RHOA: variants seen among roughly 807,000 people sequenced by gnomAD.
The protein encoded by RHOA is transforming protein RhoA.
In RHOA, 3 loss-of-function variants were observed where a neutral mutation model predicts 17.5. The observed-to-expected ratio is 0.17, with a 90% CI of 0.08 to 0.44. The LOEUF is 0.44. RHOA is among the 20% of genes least tolerant of loss of function. The pLI, the probability that RHOA is intolerant of heterozygous loss-of-function variation, is 0.99. For synonymous variants in RHOA, 98 were observed against 88.4 expected (o/e 1.11, Z -0.61); for missense variants, 56 against 242.3 (o/e 0.23, Z 5.10).
intron 4 of RHOA, among the ~76,000 whole-genome samples, chr3:49,360,758 T>TA (rs763329032): frequency 4.4e-4 from 60 of 135,586 alleles, no homozygotes; most frequent in South Asian, 1.1e-3. Context: ...GTACCCAGCC[T>TA]AAAAAAAAAA....
intron 1 of RHOA, among the ~76,000 whole-genome samples, chr3:49,392,110 G>C (rs966237668): frequency 1.3e-5 from 2 of 151,984 alleles, no homozygotes; most frequent in African/African-American, 4.8e-5. Flanking sequence ...TTACAGGCGT[G>C]AGCCACCACA....
chr3:49,379,121 C>G (rs1348482668), intron 1 of RHOA, among the ~76,000 whole-genome samples: 1 of 151,812 alleles, frequency 6.6e-6, no homozygotes, highest in Non-Finnish European at 1.5e-5. Context: ...AATATATTGT[C>G]AAAAAATGTA....
intron 2 of RHOA, 40 bp from the exon 3 acceptor site, chr3:49,368,588 C>T (rs1192930393): frequency 2.5e-6 from 4 of 1,611,930 alleles, no homozygotes; most frequent in Non-Finnish European, 3.4e-6. Flanking sequence ...CAAGGTTAAT[C>T]CCCCCACCCA....
At chr3:49,388,866 T>C (rs925501222) in intron 1 of RHOA, among the ~76,000 whole-genome samples, 54 of 152,190 alleles carry the variant, frequency 3.5e-4, no homozygotes, top group Admixed American at 2.0e-4. Context: ...CCATGTGTTA[T>C]AGCCATACAG....
chr3:49,370,209 T>C (rs1456852328), intron 2 of RHOA, among the ~76,000 whole-genome samples: 2 of 152,166 alleles, frequency 1.3e-5, no homozygotes, highest in Admixed American at 6.6e-5. Flanking sequence ...ATTGTGCCAC[T>C]GCACTGCAGC....
At chr3:49,369,202 T>TTA (rs1178246043) in intron 2 of RHOA, among the ~76,000 whole-genome samples, 2 of 147,656 alleles carry the variant, frequency 1.4e-5, no homozygotes, top group Non-Finnish European at 3.0e-5. Flanking sequence ...TTTTCGTACT[T>TTA]TTAGTAGAGA....
chr3:49,374,652 G>A (rs562464269), intron 2 of RHOA, among the ~76,000 whole-genome samples: 6 of 152,106 alleles, frequency 3.9e-5, no homozygotes, highest in African/African-American at 1.4e-4. Context: ...AACCCGGGAG[G>A]TGGAGGTTGC....
In RHOA at chr3:49,378,170, T is replaced by TAAAAAAA. The variant is rs71627382; in HGVS notation, c.-2-2586_-2-2580dup. Among the ~76,000 whole-genome samples, 6 of 90,474 alleles carry TAAAAAAA rather than the reference T, an allele frequency of 6.6e-5. No homozygotes were observed. The Admixed American group carries it at 9.0e-4, about 14-fold the overall frequency. The allele number at this position is 90,474 out of a possible 152,430, so 59.4% of individuals were successfully genotyped here. On this transcript the variant is annotated intron_variant, in intron 1 of 4. Transcript: ENST00000418115. ...TGGGCAACAGAGTGAAACTGTGTCT[T>TAAAAAAA]AAAAAAAAAAAAAAAAAAAAAGAGA...
chr3:49,396,505 G>A (rs922655563), intron 1 of RHOA, among the ~76,000 whole-genome samples: 2 of 152,074 alleles, frequency 1.3e-5, no homozygotes, highest in East Asian at 1.9e-4. Context: ...TCAGCAGTTC[G>A]AGACCAGCCT....
rs970685081 is a variant in RHOA at position 49,405,230 on chromosome 3, C to G, written c.-3+6590G>C. On this transcript the variant is annotated intron_variant, in intron 1 of 4. Coordinates refer to ENST00000418115, the MANE Select transcript of RHOA (RefSeq NM_001664.4). Reference sequence around the variant, plus strand: ...CCGAGATCGCGCCACTGCACTCCAGCCTGGGTGACAGAGCGAGACTGTGTC... The same window carrying G: ...CCGAGATCGCGCCACTGCACTCCAGGCTGGGTGACAGAGCGAGACTGTGTC... Among the ~76,000 whole-genome samples the G allele has an allele frequency of 7.5e-5, 11 of 146,110 alleles. No homozygotes were observed. The East Asian group carries it at 2.3e-3, about 31-fold the overall frequency.
intron 1 of RHOA, among the ~76,000 whole-genome samples, chr3:49,403,630 A>G (rs2107905056): frequency 6.6e-6 from 1 of 152,082 alleles, no homozygotes; most frequent in Non-Finnish European, 1.5e-5. Flanking sequence ...GGGAGGCTAA[A>G]GCAGAGAATT....
intron 1 of RHOA, among the ~76,000 whole-genome samples, chr3:49,409,953 TAA>T (rs951828195): frequency 4.0e-5 from 6 of 151,370 alleles, no homozygotes; most frequent in African/African-American, 1.5e-4. Context: ...GTTGGTCCCT[TAA>T]AAAAAAATCC....
At chr3:49,366,148 G>A (rs2048053245) in intron 3 of RHOA, among the ~76,000 whole-genome samples, 1 of 152,132 alleles carries the variant, frequency 6.6e-6, no homozygotes, top group South Asian at 2.1e-4. Flanking sequence ...GAGGGCAAAG[G>A]CACACAGTCC....
At position 49,386,359 on chromosome 3, in the gene RHOA, A is replaced by G. The variant is rs536231302; in HGVS notation, c.-2-10768T>C. On this transcript the variant is annotated intron_variant, in intron 1 of 4. Transcript: ENST00000418115. ...CACTACTTTGTAGAAGAGGAAAAAT[A>G]TAAGAAACAGCTAACAAATAATGCA... Among the ~76,000 whole-genome samples the G allele has an allele frequency of 5.3e-5, 8 of 152,338 alleles. No individual in the cohort carries two copies. The South Asian group carries it at 1.7e-3, about 32-fold the overall frequency.
At chr3:49,378,278 A>C in intron 1 of RHOA, among the ~76,000 whole-genome samples, 1 of 110,308 alleles carries the variant, frequency 9.1e-6, no homozygotes, top group African/African-American at 3.6e-5. Flanking sequence ...ATGAGGTCTC[A>C]CTCTGTCACC....
rs1391408750 is a variant in RHOA at position 49,400,800 on chromosome 3, C to T, written c.-3+11020G>A. ...GTGGCTCACGCCTGTAATTCCAGCA[C>T]TTTGGGAGGCCGAGGCGGGCGGATC... is the stretch of plus-strand genomic sequence containing the variant. On this transcript the variant is annotated intron_variant, in intron 1 of 4. Transcript: ENST00000418115. Among the ~76,000 whole-genome samples, 3 of 151,868 alleles carry T rather than the reference C, an allele frequency of 2.0e-5. No individual in the cohort carries two copies. The East Asian group carries it at 5.8e-4, about 29-fold the overall frequency.
intron 2 of RHOA, among the ~76,000 whole-genome samples, chr3:49,370,536 C>CT (rs1306685627): frequency 6.6e-6 from 1 of 152,200 alleles, no homozygotes; most frequent in Non-Finnish European, 1.5e-5. Context: ...ACCATGCTGG[C>CT]TGTTAGGCAA....
intron 1 of RHOA, among the ~76,000 whole-genome samples, chr3:49,402,356 A>C (rs560095560): frequency 3.2e-4 from 49 of 152,256 alleles, no homozygotes; most frequent in African/African-American, 1.2e-3. Context: ...TGTAAACCTT[A>C]TTGCAGGAGT....
chr3:49,410,912 T>C (rs1247896557), intron 1 of RHOA, among the ~76,000 whole-genome samples: 1 of 152,186 alleles, frequency 6.6e-6, no homozygotes, highest in Non-Finnish European at 1.5e-5. Context: ...GGAACCAACT[T>C]TGAGGTAAAA....
Sources: gnomAD v4.1 joint callset for allele counts (sites outside exome capture counted in the v4.1 genomes callset) on GRCh38, gnomAD v4.1.1 for gene constraint, MANE v1.5 for transcripts, NCBI Gene and HGNC (gene_info 2026-07-23, HGNC 2026-07-21) for gene names.